CD81: variants seen among roughly 807,000 people sequenced by gnomAD.
CD81 encodes CD81 antigen.
CD81 carries 10 observed loss-of-function variants against 30.1 expected under a neutral mutation model. The ratio of observed to expected loss-of-function variants is 0.33; its 90% CI spans 0.21 to 0.56. CD81 has a LOEUF of 0.56. Ranked by LOEUF, CD81 falls within the 20% of genes least tolerant of loss-of-function variation. The probability of loss-of-function intolerance (pLI) is 0.89; values close to 1 mark genes in which losing one functional copy is unlikely to be tolerated. For synonymous variants in CD81, 147 were observed against 126.4 expected, an observed-to-expected ratio of 1.16 and a Z score of -1.10; for missense variants, 263 against 308.7, an observed-to-expected ratio of 0.85 and a Z score of 1.11.
chr11:2,384,107 T>C (rs1369079584), intron 1 of CD81, among the ~76,000 whole-genome samples: 3 of 152,130 alleles, frequency 2.0e-5, no homozygotes, highest in African/African-American at 4.8e-5. Context: ...CCTTTTAAAG[T>C]CGATTCTGTT....
intron 1 of CD81, among the ~76,000 whole-genome samples, chr11:2,387,638 C>T (rs993047597): frequency 6.6e-6 from 1 of 152,102 alleles, no homozygotes; most frequent in Non-Finnish European, 1.5e-5. Context: ...AGCTGTCTGC[C>T]CCTGCAGGAT....
At chr11:2,384,447 TGTG>T (rs1245929998) in intron 1 of CD81, among the ~76,000 whole-genome samples, 1 of 54,820 alleles carries the variant, frequency 1.8e-5, no homozygotes, top group Non-Finnish European at 3.2e-5. Flanking sequence ...CGGGGCGTCT[TGTG>T]GGGTAGGGCG....
At chr11:2,384,296 TGGGGCGGGGCGCCTTGG>T (rs1462726667) in intron 1 of CD81, among the ~76,000 whole-genome samples, 3 of 85,500 alleles carry the variant, frequency 3.5e-5, no homozygotes, top group Non-Finnish European at 7.1e-5. Flanking sequence ...GGGCGGCTTG[TGGGGCGGGGCGCCTTGG>T]GAGGCGGGGT....
intron 2 of CD81, chr11:2,393,672 C>G (rs1319364221): frequency 8.6e-6 from 5 of 578,646 alleles, no homozygotes; most frequent in Admixed American, 6.2e-5. Flanking sequence ...GGGGCCCACC[C>G]TGTGCCTTCT....
intron 1 of CD81, among the ~76,000 whole-genome samples, chr11:2,381,573 C>G (rs1210996494): frequency 1.3e-5 from 2 of 152,248 alleles, no homozygotes; most frequent in African/African-American, 4.8e-5. Flanking sequence ...GAGCTTTGCT[C>G]ATAGAGTCAA....
intron 1 of CD81, chr11:2,386,513 C>T (rs1849800264): frequency 2.8e-6 from 2 of 713,526 alleles, no homozygotes; most frequent in South Asian, 3.0e-5. Flanking sequence ...TTTCCTCATC[C>T]AGAAACCGGC....
intron 5 of CD81, 115 bp downstream of exon 5, chr11:2,395,635 G>T (rs566156538): frequency 9.5e-6 from 8 of 845,278 alleles, no homozygotes; most frequent in Non-Finnish European, 1.6e-5. Flanking sequence ...GGTGCCCTTG[G>T]GACCTCCAGG....
rs1183219183 is a variant in CD81, at chr11:2,396,958, G to A, written c.*92G>A. 14 of 1,200,418 alleles carry A rather than the reference G, an allele frequency of 1.2e-5. No individual in the cohort carries two copies. The highest frequency in any genetic ancestry group is 9.9e-5 in the South Asian group (8 of 81,214). 74.4% of individuals were successfully genotyped at this position (1,200,418 alleles called of 1,614,324 possible). On this transcript the variant is annotated 3_prime_UTR_variant, in exon 8 of 8. Coordinates refer to ENST00000263645, the MANE Select transcript of CD81 (RefSeq NM_004356.4). ...GGCCATCACCGCCTGTGTATATAAC[G>A]TTTCCGGTATTACTCTGCTACACGT...
At chr11:2,384,413 T>TG (rs1256644546) in intron 1 of CD81, among the ~76,000 whole-genome samples, 1 of 4,348 alleles carries the variant, frequency 2.3e-4, no homozygotes, top group Non-Finnish European at 4.0e-4. Flanking sequence ...TGGGACAGCT[T>TG]GGGGGGTGGG....
At chr11:2,395,705 C>T (rs895899644) in intron 5 of CD81, 164 bp from the exon 6 acceptor site, 9 of 751,240 alleles carry the variant, frequency 1.2e-5, no homozygotes, top group South Asian at 3.0e-5. Flanking sequence ...GCCCAGGGTG[C>T]GGAAAGCTCT....
At chr11:2,395,173 G>A in intron 4 of CD81, 127 bp downstream of exon 4, 2 of 830,272 alleles carry the variant, frequency 2.4e-6, no homozygotes, top group South Asian at 2.8e-5. Context: ...GGTCCCACTT[G>A]CCAGGAGGAT....
chr11:2,394,754 G>T (rs1258567532), intron 3 of CD81: 7 of 631,714 alleles, frequency 1.1e-5, no homozygotes, highest in South Asian at 3.5e-5. Flanking sequence ...GCCTGGTGCC[G>T]CGTGGGGACA....
chr11:2,388,274 G>C lies in CD81; in HGVS notation c.67-2138G>C, dbSNP rs576852941. Among the ~76,000 whole-genome samples, 5 of 152,318 alleles carry C rather than the reference G, an allele frequency of 3.3e-5. No individual in the cohort carries two copies. In the South Asian group the frequency reaches 1.0e-3, roughly 32 times the overall value. ...CCCGGAGGAGGGGAGACAGGAGTGT[G>C]AGGGAAAGGGGGAAGAGGTATAGAG... is the stretch of plus-strand genomic sequence containing the variant. On this transcript the variant is annotated intron_variant, in intron 1 of 7. Coordinates refer to ENST00000263645, the MANE Select transcript of CD81 (RefSeq NM_004356.4).
At chr11:2,395,825 C>G in intron 5 of CD81, 44 bp from the exon 6 acceptor site, 1 of 1,374,748 alleles carries the variant, frequency 7.3e-7, no homozygotes, top group Non-Finnish European at 1.0e-6. Flanking sequence ...CCACCGTCCC[C>G]CTGGGCACAT....
intron 1 of CD81, chr11:2,385,921 C>T (rs771222538): frequency 4.8e-5 from 32 of 664,100 alleles, no homozygotes; most frequent in Non-Finnish European, 8.4e-5. Context: ...AATACCTGTG[C>T]GTGGAGCAGC....
chr11:2,386,682 T>C, intron 1 of CD81: 1 of 709,624 alleles, frequency 1.4e-6, no homozygotes, highest in Non-Finnish European at 2.6e-6. Flanking sequence ...CTTGCCCCAT[T>C]TTTCCACCCA....
intron 2 of CD81, chr11:2,391,535 C>G (rs556351717): frequency 6.6e-6 from 1 of 152,380 alleles, no homozygotes; most frequent in African/African-American, 2.4e-5. Flanking sequence ...ATGCCCCGCT[C>G]ATGGGTCAGA....
chr11:2,388,473 T>C (rs1444813278), intron 1 of CD81, among the ~76,000 whole-genome samples: 2 of 152,324 alleles, frequency 1.3e-5, no homozygotes, highest in East Asian at 3.9e-4. Flanking sequence ...CCTGCTTCCC[T>C]GGCCAGGGCC....
At chr11:2,379,053 G>A (rs1424587460) in intron 1 of CD81, 3 of 430,752 alleles carry the variant, frequency 7.0e-6, no homozygotes, top group African/African-American at 6.0e-5. Flanking sequence ...AGTGGGGGCA[G>A]CTAGGCCATT....
Sources: gnomAD v4.1 joint callset for allele counts (sites outside exome capture counted in the v4.1 genomes callset) on GRCh38, gnomAD v4.1.1 for gene constraint, MANE v1.5 for transcripts, NCBI Gene and HGNC (gene_info 2026-07-23, HGNC 2026-07-21) for gene names.